C20orf203: variants seen among roughly 807,000 people sequenced by gnomAD.
C20orf203 encodes chromosome 20 open reading frame 203.
C20orf203 carries 16 observed loss-of-function variants against 15.9 expected under a neutral mutation model. The observed-to-expected ratio is 1.01, with a 90% CI of 0.68 to 1.53. The LOEUF is 1.53. Among genes scored for constraint, C20orf203 ranks in the 40% most tolerant of loss-of-function variants. The probability of loss-of-function intolerance (pLI) is 0.00; values close to 1 mark genes in which losing one functional copy is unlikely to be tolerated. For synonymous variants in C20orf203, 98 were observed against 97.2 expected (o/e 1.01, Z -0.05); for missense variants, 263 against 247.5 (o/e 1.06, Z -0.42).
chr20:32,654,260 A>T (rs1002856957), intron 1 of C20orf203, among the ~76,000 whole-genome samples: 7 of 152,230 alleles, frequency 4.6e-5, no homozygotes, highest in African/African-American at 1.7e-4. Context: ...TACTAGCATC[A>T]AAGAGAATAA....
intron 4 of C20orf203, among the ~76,000 whole-genome samples, chr20:32,642,030 G>A (rs1267782828): frequency 6.6e-6 from 1 of 151,956 alleles, no homozygotes; most frequent in Admixed American, 6.6e-5. Context: ...TTGTAGAGAC[G>A]GGTTCTCTCC....
chr20:32,658,460 T>C (rs1405682001), intron 1 of C20orf203, among the ~76,000 whole-genome samples: 1 of 151,880 alleles, frequency 6.6e-6, no homozygotes, highest in African/African-American at 2.4e-5. Context: ...CAGCTAATTT[T>C]TGAATTTTTT....
intron 1 of C20orf203, among the ~76,000 whole-genome samples, chr20:32,670,463 C>T (rs556274869): frequency 5.7e-5 from 8 of 141,176 alleles, no homozygotes; most frequent in Admixed American, 1.4e-4. Flanking sequence ...GCCGAGATCA[C>T]GCCACTGCAC....
intron 1 of C20orf203, among the ~76,000 whole-genome samples, chr20:32,652,695 C>A (rs1222592189): frequency 6.6e-6 from 1 of 152,108 alleles, no homozygotes; most frequent in Non-Finnish European, 1.5e-5. Flanking sequence ...CCACAAAAAA[C>A]AGTGAGGGCC....
At chr20:32,670,887 T>C (rs1983148247) in intron 1 of C20orf203, among the ~76,000 whole-genome samples, 2 of 151,942 alleles carry the variant, frequency 1.3e-5, no homozygotes, top group East Asian at 3.9e-4. Context: ...TAGGCATCCC[T>C]CCAAAGATGA....
At chr20:32,666,579 T>C (rs1426352998) in intron 1 of C20orf203, among the ~76,000 whole-genome samples, 6 of 148,934 alleles carry the variant, frequency 4.0e-5, no homozygotes, top group South Asian at 2.2e-4. Context: ...CTGGCTAACA[T>C]AGTGAAATCC....
chr20:32,669,302 G>A (rs1410088563), intron 1 of C20orf203, among the ~76,000 whole-genome samples: 1 of 152,214 alleles, frequency 6.6e-6, no homozygotes, highest in African/African-American at 2.4e-5. Context: ...CAGGCTGGGA[G>A]GTGTAGCTAG....
rs1982048939 is a variant in C20orf203 at position 32,633,292 on chromosome 20, G to C, written c.*2278C>G. On this transcript the variant is annotated 3_prime_UTR_variant, in exon 6 of 6. Transcript: ENST00000608990. ...GGGTAAGGACATTCTCCAAGATCTTGTGGTTGATCCGTGGAGGCCTGGGAT... is the reference window on the plus strand; with the variant it reads ...GGGTAAGGACATTCTCCAAGATCTTCTGGTTGATCCGTGGAGGCCTGGGAT... 6.6e-6 allele frequency: 1 copy of C among 152,192 alleles called. No homozygotes were observed. The highest frequency in any genetic ancestry group is 6.5e-5 in the Admixed American group (1 of 15,280). The allele number at this position is 152,192 out of a possible 1,614,324, so 9.4% of individuals were successfully genotyped here.
chr20:32,658,927 G>A (rs1220925212), intron 1 of C20orf203, among the ~76,000 whole-genome samples: 1 of 151,820 alleles, frequency 6.6e-6, no homozygotes, highest in African/African-American at 2.4e-5. Flanking sequence ...CCAGGCTGGA[G>A]TACAATGGCG....
At chr20:32,651,215 C>T (rs915740663) in intron 2 of C20orf203, 49 bp from the exon 3 acceptor site, 29 of 486,102 alleles carry the variant, frequency 6.0e-5, no homozygotes, top group Non-Finnish European at 8.2e-5. Context: ...TGTTGGCTTG[C>T]GCCTGAGGGT....
At chr20:32,645,366 T>C (rs1247833070) in intron 4 of C20orf203, among the ~76,000 whole-genome samples, 1 of 152,120 alleles carries the variant, frequency 6.6e-6, no homozygotes, top group East Asian at 1.9e-4. Flanking sequence ...CCTTCCAGAA[T>C]CCTGGCACTC....
chr20:32,644,481 CAAAAGA>C (rs1236900133), intron 4 of C20orf203, among the ~76,000 whole-genome samples: 1 of 151,998 alleles, frequency 6.6e-6, no homozygotes. Flanking sequence ...AAACAAAACA[CAAAAGA>C]AAAAGGAGTT....
chr20:32,655,009 C>T (rs1390003956), intron 1 of C20orf203, among the ~76,000 whole-genome samples: 1 of 152,122 alleles, frequency 6.6e-6, no homozygotes, highest in African/African-American at 2.4e-5. Context: ...GAAATAAACC[C>T]TCACATTTGG....
chr20:32,645,224 G>A (rs1450680428), intron 4 of C20orf203, among the ~76,000 whole-genome samples: 1 of 152,158 alleles, frequency 6.6e-6, no homozygotes, highest in Admixed American at 6.5e-5. Flanking sequence ...ATCTGTTCAG[G>A]GAAGACAGGT....
At chr20:32,661,527 G>A (rs910402697) in intron 1 of C20orf203, among the ~76,000 whole-genome samples, 3 of 152,134 alleles carry the variant, frequency 2.0e-5, no homozygotes, top group Non-Finnish European at 4.4e-5. Flanking sequence ...CTGAACACAA[G>A]GCAGAATTTC....
intron 1 of C20orf203, among the ~76,000 whole-genome samples, chr20:32,662,052 A>G (rs1982902800): frequency 6.6e-6 from 1 of 152,222 alleles, no homozygotes; most frequent in Admixed American, 6.5e-5. Context: ...GGAGTTGCCC[A>G]GCACTTTCCA....
intron 4 of C20orf203, among the ~76,000 whole-genome samples, chr20:32,647,093 G>T (rs1013798824): frequency 4.6e-5 from 7 of 152,094 alleles, no homozygotes; most frequent in South Asian, 2.1e-4. Flanking sequence ...GTAACTATAA[G>T]GATTAAAATA....
In C20orf203 at chr20:32,640,667, C is replaced by G. The variant is rs995093430; in HGVS notation, c.*1198G>C. The stretch of plus-strand genomic sequence containing the variant: ...GATCACGCCACTGCACTCCATCCAG[C>G]CTGGGCAAAAGAGCGAGACTCTGTC... On this transcript the variant is annotated 3_prime_UTR_variant, in exon 5 of 6. Coordinates refer to ENST00000608990, the MANE Select transcript of C20orf203 (RefSeq NM_182584.4). The G allele has an allele frequency of 6.6e-6, 1 of 152,136 alleles. No homozygotes were observed. The highest frequency in any genetic ancestry group is 2.4e-5 in the African/African-American group (1 of 41,414). The allele number at this position is 152,136 out of a possible 1,614,324, so 9.4% of individuals were successfully genotyped here. A position where few individuals can be genotyped will look rare whatever the true frequency, so the allele number is the denominator to read the frequency against.
At chr20:32,665,554 G>C (rs117923975) in intron 1 of C20orf203, among the ~76,000 whole-genome samples, 1 of 152,234 alleles carries the variant, frequency 6.6e-6, no homozygotes, top group South Asian at 2.1e-4. Context: ...AGCAAGGCGC[G>C]GTCCAGGAAC....
Sources: gnomAD v4.1 joint callset for allele counts (sites outside exome capture counted in the v4.1 genomes callset) on GRCh38, gnomAD v4.1.1 for gene constraint, MANE v1.5 for transcripts, NCBI Gene and HGNC (gene_info 2026-07-23, HGNC 2026-07-21) for gene names.